SGCD: variants seen among roughly 807,000 people sequenced by gnomAD.
The protein encoded by SGCD is delta-sarcoglycan.
Under a neutral mutation model 36.6 loss-of-function variants are expected in SGCD, and 18 were observed. The ratio of observed to expected loss-of-function variants is 0.49; its 90% CI spans 0.34 to 0.73. The LOEUF is 0.73. Among genes scored for constraint, SGCD ranks in the 30% least tolerant of loss-of-function variants. The pLI is 0.01. For missense variants in SGCD, 387 were observed against 346.7 expected (o/e 1.12, Z -0.92); for synonymous variants, 133 against 130.6 (o/e 1.02, Z -0.12).
At chr5:156,582,706 T>C (rs1760322527) in intron 4 of SGCD, among the ~76,000 whole-genome samples, 1 of 152,250 alleles carries the variant, frequency 6.6e-6, no homozygotes, top group Non-Finnish European at 1.5e-5. Context: ...TAATTTTATG[T>C]CTCCTTCTGA....
intron 7 of SGCD, among the ~76,000 whole-genome samples, chr5:156,748,901 A>G (rs924670270): frequency 2.6e-5 from 4 of 152,004 alleles, no homozygotes; most frequent in African/African-American, 9.7e-5. Context: ...GGTAGCTGGG[A>G]TTACAGGCGT....
At chr5:156,145,647 C>A (rs1056665480) in intron 3 of SGCD, among the ~76,000 whole-genome samples, 1 of 152,038 alleles carries the variant, frequency 6.6e-6, no homozygotes, top group Non-Finnish European at 1.5e-5. Context: ...ATTAGCAGTT[C>A]TAGTAAGTAT....
intron 6 of SGCD, among the ~76,000 whole-genome samples, chr5:156,608,908 T>C (rs565366863): frequency 5.6e-4 from 85 of 152,206 alleles, no homozygotes; most frequent in Non-Finnish European, 1.1e-3. Context: ...TAGATCTTCC[T>C]CCATCCCTTT....
intron 1 of SGCD, among the ~76,000 whole-genome samples, chr5:155,944,378 T>C (rs1047745074): frequency 3.9e-5 from 6 of 152,188 alleles, no homozygotes; most frequent in African/African-American, 1.4e-4. Flanking sequence ...TTCCAGACAA[T>C]GACTAGGCAT....
chr5:156,023,275 G>C (rs1759149908), intron 1 of SGCD, among the ~76,000 whole-genome samples: 1 of 152,192 alleles, frequency 6.6e-6, no homozygotes, highest in African/African-American at 2.4e-5. Context: ...AATCCAGGTG[G>C]TACAAATGAT....
chr5:156,707,988 C>T (rs2113746227), intron 7 of SGCD, among the ~76,000 whole-genome samples: 1 of 152,216 alleles, frequency 6.6e-6, no homozygotes, highest in Admixed American at 6.5e-5. Context: ...TATCAAATAA[C>T]AGAGTGAGAG....
chr5:156,573,902 G>A (rs576307214), intron 4 of SGCD, among the ~76,000 whole-genome samples: 2 of 151,698 alleles, frequency 1.3e-5, no homozygotes, highest in Non-Finnish European at 2.9e-5. Flanking sequence ...TATGTTGCCC[G>A]GGCTGGTCTC....
the SGCD span, among the ~76,000 whole-genome samples, chr5:155,860,506 C>A: frequency 6.6e-6 from 1 of 152,160 alleles, no homozygotes; most frequent in Non-Finnish European, 1.5e-5. Flanking sequence ...AGCCACTGGA[C>A]AACCATATCA....
chr5:156,694,479 T>G lies in SGCD; in HGVS notation c.575+46943T>G, dbSNP rs188564741. Among the ~76,000 whole-genome samples, 7 of 152,332 alleles carry G rather than the reference T, an allele frequency of 4.6e-5. No homozygotes were observed. The East Asian group carries it at 1.2e-3, about 25-fold the overall frequency. On this transcript the variant is annotated intron_variant, in intron 7 of 8. Coordinates refer to ENST00000337851, the MANE Select transcript of SGCD (RefSeq NM_000337.6). The stretch of plus-strand genomic sequence containing the variant: ...AATTTTTAATTTTTTTTTCTAAATA[T>G]TGTTTGCTTTTCACACTAACCCTGT...
At chr5:156,075,941 A>G (rs1322534144) in intron 1 of SGCD, among the ~76,000 whole-genome samples, 2 of 152,204 alleles carry the variant, frequency 1.3e-5, no homozygotes, top group East Asian at 3.9e-4. Context: ...TGGGGCTTCC[A>G]CACAGATGGA....
At chr5:156,473,104 A>G (rs1409562091) in intron 3 of SGCD, among the ~76,000 whole-genome samples, 1 of 152,210 alleles carries the variant, frequency 6.6e-6, no homozygotes, top group Non-Finnish European at 1.5e-5. Context: ...TTTCATCTCC[A>G]GTCTCACGAA....
the SGCD span, among the ~76,000 whole-genome samples, chr5:155,755,934 G>T: frequency 6.6e-6 from 1 of 152,208 alleles, no homozygotes; most frequent in Admixed American, 6.5e-5. Context: ...CATAAGAAAA[G>T]AAATCAATAG....
the SGCD span, among the ~76,000 whole-genome samples, chr5:155,742,144 T>C: frequency 6.6e-6 from 1 of 152,214 alleles, no homozygotes; most frequent in Non-Finnish European, 1.5e-5. Flanking sequence ...CAGAAAAGGC[T>C]TAAATTAGGG....
At chr5:156,007,584 C>T (rs1274337758) in intron 1 of SGCD, among the ~76,000 whole-genome samples, 1 of 152,132 alleles carries the variant, frequency 6.6e-6, no homozygotes, top group Non-Finnish European at 1.5e-5. Context: ...AAACATCTAT[C>T]CATATTAAAA....
intron 1 of SGCD, among the ~76,000 whole-genome samples, chr5:155,969,482 C>T (rs1757967222): frequency 1.1e-5 from 1 of 93,548 alleles, no homozygotes; most frequent in African/African-American, 2.7e-5. Context: ...TTTGGATCAT[C>T]TCCCACAAAA....
the SGCD span, among the ~76,000 whole-genome samples, chr5:155,848,555 C>T: frequency 1.3e-5 from 2 of 152,262 alleles, no homozygotes; most frequent in South Asian, 4.2e-4. Flanking sequence ...GCCCTTTCAT[C>T]GTTTTCTTGT....
intron 3 of SGCD, among the ~76,000 whole-genome samples, chr5:156,160,845 T>G (rs1191681481): frequency 6.6e-6 from 1 of 151,710 alleles, no homozygotes; most frequent in Non-Finnish European, 1.5e-5. Context: ...TCCCTTAATT[T>G]CTTCTCTTAG....
chr5:156,264,593 T>C (rs924637088), intron 3 of SGCD, among the ~76,000 whole-genome samples: 3 of 152,150 alleles, frequency 2.0e-5, no homozygotes, highest in African/African-American at 7.2e-5. Context: ...TTTGGGTAAA[T>C]TGATACACTA....
chr5:156,175,001 A>G (rs528391464), intron 3 of SGCD, among the ~76,000 whole-genome samples: 82 of 152,320 alleles, frequency 5.4e-4, no homozygotes, highest in African/African-American at 1.9e-3. Flanking sequence ...AGAACAGTAA[A>G]CTTACTAGGA....
Sources: gnomAD v4.1 joint callset for allele counts (sites outside exome capture counted in the v4.1 genomes callset) on GRCh38, gnomAD v4.1.1 for gene constraint, MANE v1.5 for transcripts, NCBI Gene and HGNC (gene_info 2026-07-23, HGNC 2026-07-21) for gene names.